Variants in ZNF584 observed in about 807,000 individuals in gnomAD.
ZNF584 encodes the protein zinc finger protein 584.
A neutral mutation model predicts 14.7 loss-of-function variants in ZNF584; 12 were observed. The ratio of observed to expected loss-of-function variants is 0.82; its 90% confidence interval spans 0.52 to 1.32. The LOEUF (loss-of-function observed/expected upper bound fraction) is 1.32. ZNF584 is among the 40% of genes most tolerant of loss of function. The pLI is 0.00. For missense variants in ZNF584, 478 were observed against 518.8 expected, an observed-to-expected ratio of 0.92 and a Z score of 0.76; for synonymous variants, 204 against 190.9, an observed-to-expected ratio of 1.07 and a Z score of -0.57.
intron 2 of ZNF584, among the ~76,000 whole-genome samples, chr19:58,414,887 T>TTTTG (rs1179913870): frequency 6.6e-6 from 1 of 151,950 alleles, no homozygotes; most frequent in Non-Finnish European, 1.5e-5. Context: ...TTTTTTTTCT[T>TTTTG]TTTGTTTGTT....
At chr19:58,403,890 C>T (rs538851430), upstream of ZNF584, among the ~76,000 whole-genome samples, 2 of 144,938 alleles carry the variant, frequency 1.4e-5, no homozygotes. Context: ...TGCTTGAACC[C>T]GGGAGGCGGA....
chr19:58,417,710 C>T lies in ZNF584; in HGVS notation c.1192C>T (p.Leu398Phe), dbSNP rs770003803. Residue 398 changes from leucine (L) to phenylalanine (F), a missense_variant, in exon 4 of 4, where the codon CTT becomes TTT. By Grantham distance (22) the Leu-to-Phe change is conservative. Transcript: ENST00000306910. ...GGCCTTCAAACATAGTTCCACCCTC[C>T]TTCAGCACAAGAAAGTCCATACTCC... ...GKAFKHSSTL[L>F]QHKKVHTPER... 2.5e-6 allele frequency: 4 copies of T among 1,614,160 alleles called. No individual in the cohort carries two copies. The highest frequency in any genetic ancestry group is 3.4e-6 in the Non-Finnish European group (4 of 1,180,000).
chr19:58,410,651 AT>A (rs1231095053), intron 2 of ZNF584, among the ~76,000 whole-genome samples: 1 of 24,670 alleles, frequency 4.1e-5, no homozygotes, highest in East Asian at 6.6e-4. Context: ...ATATGTGTAT[AT>A]ATGTGTATAT....
intron 2 of ZNF584, among the ~76,000 whole-genome samples, chr19:58,414,932 G>A (rs1461025898): frequency 1.3e-5 from 2 of 151,298 alleles, no homozygotes; most frequent in African/African-American, 4.9e-5. Flanking sequence ...TCGCACTGTC[G>A]CCCAGGCTGG....
rs1298390355 is a variant in ZNF584 at position 58,416,992 on chromosome 19, G to A, written c.474G>A (p.Leu158=). Reference sequence around the variant, plus strand: ...AAGAAGTCCATGTGGCAGAGAAGCTGTTCAAATGCAGTGACTGTGGGAAGG... The same window carrying A: ...AAGAAGTCCATGTGGCAGAGAAGCTATTCAAATGCAGTGACTGTGGGAAGG... ...QQQEVHVAEK[L]FKCSDCGKVF... is the part of the protein sequence containing the mutation. The change falls in exon 4 of 4, where the codon CTG becomes CTA. Residue 158 remains leucine, a synonymous_variant. Transcript: ENST00000306910. The A allele has an allele frequency of 6.2e-7, 1 of 1,611,296 alleles. No individual in the cohort carries two copies. The highest frequency in any genetic ancestry group is 8.5e-7 in the Non-Finnish European group (1 of 1,178,462).
intron 1 of ZNF584, among the ~76,000 whole-genome samples, chr19:58,403,510 TGGGAGGGAGGGAGGGA>T (rs139851744): frequency 1.0e-5 from 1 of 95,912 alleles, no homozygotes; most frequent in Non-Finnish European, 2.0e-5. Context: ...AGGGACTCAG[TGGGAGGGAGGGAGGGA>T]GGGAGGGAGG....
At position 58,412,197 on chromosome 19, in the gene ZNF584, G is replaced by GCCTTTTTTTTTTTTTTTTT. The variant is rs1225346355; in HGVS notation, c.169+2106_169+2107insCCTTTTTTTTTTTTTTTTT. 5.1e-5 allele frequency among the ~76,000 whole-genome samples: 5 copies of GCCTTTTTTTTTTTTTTTTT among 97,974 alleles called. 1 individual carries two copies. Among genetic ancestry groups the GCCTTTTTTTTTTTTTTTTT allele is most frequent in the African/African-American group, 2.8e-4 (5 of 17,980 alleles). 64.3% of individuals were successfully genotyped at this position (97,974 alleles called of 152,430 possible). The stretch of plus-strand genomic sequence containing the variant: ...GGGTTTCACCATGTTGGCCAGGGTG[G>GCCTTTTTTTTTTTTTTTTT]TCTTTTTTTTTTTTTTTTTTTTTGA... On this transcript the variant is annotated intron_variant, in intron 2 of 3. Coordinates refer to ENST00000306910, the MANE Select transcript of ZNF584 (RefSeq NM_173548.3).
chr19:58,409,273 G>A, intron 1 of ZNF584, 108 bp downstream of exon 1: 2 of 1,254,998 alleles, frequency 1.6e-6, no homozygotes, highest in Non-Finnish European at 2.1e-6. Context: ...ATTCCAGGGG[G>A]AGGTCTTTGA....
chr19:58,414,020 A>G (rs2052609544), intron 2 of ZNF584, among the ~76,000 whole-genome samples: 1 of 150,694 alleles, frequency 6.6e-6, no homozygotes, highest in African/African-American at 2.4e-5. Flanking sequence ...ACGGGGCTTC[A>G]CTGTGTTCGG....
intron 1 of ZNF584, 56 bp from the exon 2 acceptor site, chr19:58,409,885 A>G: frequency 3.1e-6 from 5 of 1,610,014 alleles, no homozygotes; most frequent in Non-Finnish European, 4.3e-6. Flanking sequence ...AAGGGCCTGA[A>G]TGTGTCCATC....
intron 2 of ZNF584, 22 bp downstream of exon 2, chr19:58,410,113 C>T (rs1338977219): frequency 3.4e-5 from 54 of 1,582,124 alleles, no homozygotes; most frequent in Non-Finnish European, 4.6e-5. Flanking sequence ...ACACTGTCCC[C>T]CAGCACACTG....
intron 1 of ZNF584, among the ~76,000 whole-genome samples, chr19:58,403,130 G>A (rs996081874): frequency 6.6e-6 from 1 of 152,208 alleles, no homozygotes; most frequent in African/African-American, 2.4e-5. Context: ...CTTACAGAAA[G>A]TTAAATATAG....
chr19:58,417,664 T>C lies in ZNF584; in HGVS notation c.1146T>C (p.Tyr382=). Residue 382 remains tyrosine, a synonymous_variant, in exon 4 of 4, where the codon TAT becomes TAC. Transcript: ENST00000306910. ...AGTTCCACACTGAAGAGAGGTCTTATGAATGTACAGAGTGTGGGAAGGCCT... is the reference window on the plus strand; with the variant it reads ...AGTTCCACACTGAAGAGAGGTCTTACGAATGTACAGAGTGTGGGAAGGCCT... ...HQQFHTEERS[Y]ECTECGKAFK... 1 of 1,614,070 alleles carries C rather than the reference T, an allele frequency of 6.2e-7. No individual in the cohort carries two copies. The highest frequency in any genetic ancestry group is 8.5e-7 in the Non-Finnish European group (1 of 1,179,926).
intron 2 of ZNF584, among the ~76,000 whole-genome samples, chr19:58,410,595 A>ATATATATGTG (rs2052545221): frequency 2.3e-4 from 8 of 35,098 alleles, no homozygotes; most frequent in Admixed American, 1.4e-3. Context: ...ATATATATGT[A>ATATATATGTG]TATATATGTA....
At chr19:58,415,874 CTG>C in intron 3 of ZNF584, 1 of 1,599,386 alleles carries the variant, frequency 6.3e-7, no homozygotes, top group Non-Finnish European at 8.5e-7. Context: ...TTCTCTGTAT[CTG>C]TGCAGAGCTG....
At chr19:58,402,475 T>C (rs1663808733) in intron 1 of ZNF584, among the ~76,000 whole-genome samples, 1 of 152,196 alleles carries the variant, frequency 6.6e-6, no homozygotes. Context: ...TTTCAAAACA[T>C]AACAGATTTT....
rs575242307 is a variant in ZNF584, at chr19:58,417,283, C to T, written c.765C>T (p.Asp255=). 1.1e-5 allele frequency: 17 copies of T among 1,614,192 alleles called. No homozygotes were observed. Among genetic ancestry groups the T allele is most frequent in the East Asian group, 2.2e-5 (1 of 44,888 alleles). Residue 255 remains aspartate, a synonymous_variant, in exon 4 of 4, where the codon GAC becomes GAT. Coordinates refer to ENST00000306910, the MANE Select transcript of ZNF584 (RefSeq NM_173548.3). ...GTGGTAAAACCTTCAACCGCAAAGA[C>T]GCACTTGTTCTACACCAGAGGATTC... is the stretch of plus-strand genomic sequence containing the variant. ...SDCGKTFNRK[D]ALVLHQRIHT...
chr19:58,415,578 C>T lies in ZNF584; in HGVS notation c.224C>T (p.Ser75Leu), dbSNP rs368294066. The T allele has an allele frequency of 1.1e-5, 17 of 1,613,938 alleles. No individual in the cohort carries two copies. Among genetic ancestry groups the T allele is most frequent in the Middle Eastern group, 1.6e-4 (1 of 6,084 alleles). Residue 75 changes from serine to leucine, a missense_variant, in exon 3 of 4, where the codon TCG (serine) becomes TTG (leucine). Transcript: ENST00000306910. ...ACCCAGCTGGAGGATGATGAACAGT[C>T]GTGGGTGCCCAGCTGGGTGGATGTG... ...VFTQLEDDEQ[S>L]WVPSWVDVTP...
intron 2 of ZNF584, among the ~76,000 whole-genome samples, chr19:58,414,588 C>T (rs1275839035): frequency 4.6e-5 from 7 of 151,482 alleles, no homozygotes; most frequent in Non-Finnish European, 8.8e-5. Context: ...ATGATCTGCC[C>T]GTCTCGGCCT....
Sources: allele counts gnomAD v4.1 joint callset (sites outside exome capture counted in the v4.1 genomes callset), GRCh38; gene constraint gnomAD v4.1.1; transcripts MANE v1.5; gene names NCBI Gene and HGNC (gene_info 2026-07-23, HGNC 2026-07-21).